Variants in CNKSR2 observed in about 807,000 individuals in gnomAD.
CNKSR2 encodes the protein connector enhancer of kinase suppressor of Ras 2.
CNKSR2 carries 14 observed loss-of-function variants against 84.4 expected under a neutral mutation model. The ratio of observed to expected loss-of-function variants is 0.17; its 90% CI spans 0.11 to 0.26. The LOEUF is 0.26. Ranked by LOEUF, CNKSR2 falls within the 10% of genes least tolerant of loss-of-function variation. CNKSR2 has a pLI of 1.00. For synonymous variants in CNKSR2, 275 were observed against 277.9 expected (o/e 0.99, Z 0.10); for missense variants, 485 against 771.2 (o/e 0.63, Z 4.40).
chrX:21,442,265 A>G (rs2083009787), intron 4 of CNKSR2, among the ~76,000 whole-genome samples: 1 of 110,434 alleles, frequency 9.1e-6, no homozygotes. Flanking sequence ...TTGAAAAAAA[A>G]AAAGAGAAAC....
At chrX:21,514,050 G>T (rs2091702287) in intron 8 of CNKSR2, among the ~76,000 whole-genome samples, 1 of 111,382 alleles carries the variant, frequency 9.0e-6, no homozygotes, top group Non-Finnish European at 1.9e-5. Flanking sequence ...CATTAATGGT[G>T]TTTTCTATAT....
In CNKSR2 at chrX:21,451,392, T is replaced by G. The variant is rs769656774; in HGVS notation, c.519+10611T>G. On this transcript the variant is annotated intron_variant, in intron 4 of 21. Coordinates refer to ENST00000379510, the MANE Select transcript of CNKSR2 (RefSeq NM_014927.5). ...TAAATCATGCTGCTATAAAGACACA[T>G]GCACACCTATGTTTATTGCGGCACT... is the stretch of plus-strand genomic sequence containing the variant. 3.6e-5 allele frequency among the ~76,000 whole-genome samples: 4 copies of G among 110,856 alleles called. No individual in the cohort carries two copies. In the South Asian group the frequency reaches 1.2e-3, roughly 32 times the overall value.
intron 11 of CNKSR2, among the ~76,000 whole-genome samples, chrX:21,551,604 T>C (rs2092093110): frequency 8.9e-6 from 1 of 111,984 alleles, no homozygotes; most frequent in Non-Finnish European, 1.9e-5. Context: ...GGTTCAGTAT[T>C]GTCCCCCAGG....
At chrX:21,461,162 G>C (rs1023403168) in intron 4 of CNKSR2, among the ~76,000 whole-genome samples, 1 of 112,130 alleles carries the variant, frequency 8.9e-6, no homozygotes, top group Non-Finnish European at 1.9e-5. Context: ...AGCGTACAAG[G>C]TTCCCTTTTC....
chrX:21,591,280 T>C (rs1010195395), intron 15 of CNKSR2, 86 bp downstream of exon 15: 29 of 827,653 alleles, frequency 3.5e-5, no homozygotes, highest in Non-Finnish European at 4.8e-5. Context: ...TAAAATCGTA[T>C]AATCACCTTA....
At chrX:21,482,453 C>G (rs2091331241) in intron 5 of CNKSR2, among the ~76,000 whole-genome samples, 1 of 111,838 alleles carries the variant, frequency 8.9e-6, no homozygotes, top group Non-Finnish European at 1.9e-5. Flanking sequence ...AATCATCTGT[C>G]TCAAAATTCT....
intron 5 of CNKSR2, among the ~76,000 whole-genome samples, chrX:21,486,799 A>AC (rs1175730637): frequency 8.9e-6 from 1 of 111,786 alleles, no homozygotes; most frequent in Non-Finnish European, 1.9e-5. Flanking sequence ...ATAATGTCTC[A>AC]CATGATTTCA....
At chrX:21,604,811 T>C (rs1396914575) in intron 18 of CNKSR2, among the ~76,000 whole-genome samples, 2 of 111,303 alleles carry the variant, frequency 1.8e-5, no homozygotes, top group Non-Finnish European at 3.8e-5. Flanking sequence ...CAGTAGTATT[T>C]CAAGCTCTCA....
chrX:21,629,303 A>T (rs753729768), intron 20 of CNKSR2, among the ~76,000 whole-genome samples: 1 of 111,663 alleles, frequency 9.0e-6, no homozygotes, highest in South Asian at 3.8e-4. Context: ...AGCCCTCCAG[A>T]CTGTTTCAGC....
At chrX:21,520,977 TAGAA>T (rs756335473) in intron 9 of CNKSR2, among the ~76,000 whole-genome samples, 6 of 110,023 alleles carry the variant, frequency 5.5e-5, no homozygotes, top group Non-Finnish European at 9.6e-5. Context: ...GAGCAGAAAA[TAGAA>T]AGAAAAGAGT....
intron 13 of CNKSR2, among the ~76,000 whole-genome samples, chrX:21,579,614 C>A (rs1569254026): frequency 8.9e-6 from 1 of 112,129 alleles, no homozygotes; most frequent in Non-Finnish European, 1.9e-5. Flanking sequence ...ATGAAATACA[C>A]TTCTTCATTT....
At chrX:21,649,079 G>A (rs1330467548) in intron 21 of CNKSR2, 52 bp downstream of exon 21, 2 of 930,057 alleles carry the variant, frequency 2.2e-6, no homozygotes, top group East Asian at 6.3e-5. Flanking sequence ...CATTCTTAAA[G>A]TGGATTACCA....
chrX:21,490,199 AAAT>A (rs1319865576), intron 5 of CNKSR2, among the ~76,000 whole-genome samples: 1 of 111,787 alleles, frequency 8.9e-6, no homozygotes, highest in Non-Finnish European at 1.9e-5. Context: ...ATGGTAAATC[AAAT>A]AATAGAAACA....
chrX:21,571,490 T>A (rs770879726), intron 13 of CNKSR2, among the ~76,000 whole-genome samples: 1 of 112,411 alleles, frequency 8.9e-6, no homozygotes, highest in South Asian at 3.7e-4. Context: ...TAAGCTCCAA[T>A]GCTAAGCACT....
At position 21,598,042 on chromosome X, in the gene CNKSR2, C is replaced by A. The variant is rs192029498; in HGVS notation, c.1976+2647C>A. On this transcript the variant is annotated intron_variant, in intron 17 of 21. Transcript: ENST00000379510. ...ATATATATATACACACACACACACA[C>A]AACAAATATTTATATATGTGTATAC... 8.2e-3 allele frequency among the ~76,000 whole-genome samples: 887 copies of A among 107,748 alleles called. 6 individuals carry two copies. The highest frequency in any genetic ancestry group is 0.029 in the African/African-American group (848 of 29,597). The allele number at this position is 107,748 out of a possible 115,157, so 93.6% of individuals were successfully genotyped here.
chrX:21,612,225 T>C (rs939208792), intron 20 of CNKSR2, among the ~76,000 whole-genome samples: 1 of 112,254 alleles, frequency 8.9e-6, no homozygotes, highest in African/African-American at 3.2e-5. Context: ...CTCAGGCTGC[T>C]TGTTCAAATC....
At chrX:21,475,495 A>G (rs773519444) in intron 5 of CNKSR2, among the ~76,000 whole-genome samples, 5 of 111,690 alleles carry the variant, frequency 4.5e-5, no homozygotes, top group Non-Finnish European at 9.4e-5. Context: ...TAATATATTA[A>G]TAGTTCTTAG....
rs533425645 is a variant in CNKSR2 at position 21,410,535 on chromosome X, T to C, written c.65-15962T>C. On this transcript the variant is annotated intron_variant, in intron 1 of 21. Coordinates refer to ENST00000379510, the MANE Select transcript of CNKSR2 (RefSeq NM_014927.5). ...ATAAAGCAAAACAAAAAATTGAGTA[T>C]CACCACTTATATTATTTTTAGGAAA... Among the ~76,000 whole-genome samples, 21 of 111,421 alleles carry C rather than the reference T, an allele frequency of 1.9e-4. No homozygotes were observed. In the South Asian group the frequency reaches 6.6e-3, roughly 35 times the overall value.
chrX:21,572,055 T>C (rs1345687458), intron 13 of CNKSR2, among the ~76,000 whole-genome samples: 1 of 112,572 alleles, frequency 8.9e-6, no homozygotes, highest in East Asian at 2.8e-4. Context: ...CTAAATATTA[T>C]CATATTCATT....
Sources: gnomAD v4.1 joint callset for allele counts (sites outside exome capture counted in the v4.1 genomes callset) on GRCh38, gnomAD v4.1.1 for gene constraint, MANE v1.5 for transcripts, NCBI Gene and HGNC (gene_info 2026-07-23, HGNC 2026-07-21) for gene names.